Variants in FSIP2 observed in about 807,000 individuals in gnomAD.
The protein encoded by FSIP2 is fibrous sheath-interacting protein 2.
FSIP2 carries 367 observed loss-of-function variants against 510.5 expected under a neutral mutation model. The ratio of observed to expected loss-of-function variants is 0.72; its 90% CI spans 0.66 to 0.78. The LOEUF (loss-of-function observed/expected upper bound fraction) is 0.78. FSIP2 is among the 30% of genes least tolerant of loss of function. The pLI is 0.00. For missense variants in FSIP2, 7,594 were observed against 7,901.7 expected (o/e 0.96, Z 1.48); for synonymous variants, 2,601 against 2,732.2 (o/e 0.95, Z 1.50).
Position 185,789,428 on chromosome 2 carries a change from G to C in FSIP2, c.2292G>C (p.Glu764Asp). The C allele has an allele frequency of 6.5e-7, 1 of 1,534,864 alleles. No homozygotes were observed. Among genetic ancestry groups the C allele is most frequent in the Non-Finnish European group, 8.7e-7 (1 of 1,145,926 alleles). ...CTGAGATTGTGGAAAATATGCTTGA[G>C]AAGTTAGAGTCTGCAGTTGAGAAAA... is the stretch of plus-strand genomic sequence containing the variant. ...VASEIVENMLEKLESAVEKKC... is the reference protein window; with the variant it reads ...VASEIVENMLDKLESAVEKKC... The change falls in exon 16 of 23, where the codon GAG becomes GAC. Residue 764 changes from glutamate (E) to aspartate (D), a missense_variant. Glu to Asp is a conservative substitution (Grantham distance 45, BLOSUM62 2). Transcript: ENST00000424728.
Position 185,793,184 on chromosome 2 carries a change from G to C in FSIP2, c.6048G>C (p.Gln2016His). ...GAAGAAATTTACAAGGAATCAAACA[G>C]GAATTAGATAAAGAAAGGGAAAATC... ...VARRNLQGIKQELDKERENPF... is the reference protein window; with the variant it reads ...VARRNLQGIKHELDKERENPF... The change falls in exon 16 of 23, where the codon CAG (glutamine) becomes CAC (histidine). Residue 2016 changes from glutamine (Q) to histidine (H), a missense_variant. By Grantham distance (24) the Gln-to-His change is conservative. Transcript: ENST00000424728. 6.5e-7 allele frequency: 1 copy of C among 1,533,786 alleles called. No individual in the cohort carries two copies. Among genetic ancestry groups the C allele is most frequent in the African/African-American group, 1.4e-5 (1 of 72,902 alleles).
At chr2:185,816,626 C>T (rs1693830440) in intron 19 of FSIP2, among the ~76,000 whole-genome samples, 1 of 151,564 alleles carries the variant, frequency 6.6e-6, no homozygotes, top group Non-Finnish European at 1.5e-5. Context: ...TTGCTTGAGG[C>T]CAGGAGTTTG....
intron 13 of FSIP2, among the ~76,000 whole-genome samples, chr2:185,768,454 G>A (rs1278915090): frequency 6.6e-6 from 1 of 151,704 alleles, no homozygotes; most frequent in African/African-American, 2.4e-5. Context: ...GTGAGGTAAG[G>A]GTCCAATTTA....
chr2:185,808,665 A>C lies in FSIP2; in HGVS notation c.19359A>C (p.Lys6453Asn), dbSNP rs1374424350. The C allele has an allele frequency of 6.2e-7, 1 of 1,606,226 alleles. No individual in the cohort carries two copies. Among genetic ancestry groups the C allele is most frequent in the Admixed American group, 1.7e-5 (1 of 58,716 alleles). ...IKDTNTAFPKKVASLIIDGVS... is the reference protein window; with the variant it reads ...IKDTNTAFPKNVASLIIDGVS... ...ATACAAATACAGCCTTTCCTAAAAA[A>C]GTGGCTAGTTTAATTATTGATGGAG... The change falls in exon 17 of 23, where the codon AAA (lysine) becomes AAC (asparagine). Residue 6453 changes from lysine (K) to asparagine (N), a missense_variant. Coordinates refer to ENST00000424728, the MANE Select transcript of FSIP2 (RefSeq NM_173651.4).
intron 13 of FSIP2, among the ~76,000 whole-genome samples, chr2:185,774,173 G>C (rs1481953463): frequency 1.3e-5 from 2 of 152,022 alleles, no homozygotes; most frequent in East Asian, 3.9e-4. Flanking sequence ...TCATTTGCCT[G>C]GGTATCACAC....
chr2:185,780,332 T>C (rs1487273423), intron 13 of FSIP2, among the ~76,000 whole-genome samples: 5 of 152,002 alleles, frequency 3.3e-5, no homozygotes, highest in Admixed American at 2.6e-4. Flanking sequence ...TTAACAACTT[T>C]ATTTTCCATT....
In FSIP2 at chr2:185,803,677, C is replaced by T. The variant is rs1301597176; in HGVS notation, c.14371C>T (p.His4791Tyr). 1.3e-6 allele frequency: 2 copies of T among 1,531,646 alleles called. No individual in the cohort carries two copies. Among genetic ancestry groups the T allele is most frequent in the Admixed American group, 2.0e-5 (1 of 50,726 alleles). The allele number at this position is 1,531,646 out of a possible 1,614,324, so 94.9% of individuals were successfully genotyped here. Residue 4791 changes from histidine (H) to tyrosine (Y), a missense_variant, in exon 17 of 23, where the codon CAT becomes TAT. Coordinates refer to ENST00000424728, the MANE Select transcript of FSIP2 (RefSeq NM_173651.4). ...ASTMYTTMLS[H>Y]SHLEKIVTQL... Reference sequence around the variant, plus strand: ...AACAATGTATACCACTATGTTATCACATAGTCATTTGGAAAAAATAGTTAC... The same window carrying T: ...AACAATGTATACCACTATGTTATCATATAGTCATTTGGAAAAAATAGTTAC...
chr2:185,818,299 T>TG (rs1693859188), intron 19 of FSIP2, among the ~76,000 whole-genome samples: 1 of 151,536 alleles, frequency 6.6e-6, no homozygotes, highest in Non-Finnish European at 1.5e-5. Flanking sequence ...GAAAAAAGAT[T>TG]GAAAAAAAAG....
At chr2:185,777,399 T>G (rs1276519124) in intron 13 of FSIP2, among the ~76,000 whole-genome samples, 12 of 151,042 alleles carry the variant, frequency 7.9e-5, no homozygotes, top group East Asian at 1.9e-4. Context: ...TGTAGTTTTT[T>G]TTTTTTTTTT....
intron 7 of FSIP2, among the ~76,000 whole-genome samples, chr2:185,751,400 T>C (rs1227060446): frequency 1.3e-5 from 2 of 151,164 alleles, no homozygotes; most frequent in African/African-American, 4.8e-5. Flanking sequence ...TGATTACTGT[T>C]AGCACGGCAT....
At chr2:185,799,542 T>G (rs888687847) in intron 16 of FSIP2, among the ~76,000 whole-genome samples, 155 bp from the exon 17 acceptor site, 9 of 151,806 alleles carry the variant, frequency 5.9e-5, no homozygotes, top group Admixed American at 1.3e-4. Flanking sequence ...AGAAAATAAA[T>G]GTTTGAGGAA....
intron 13 of FSIP2, among the ~76,000 whole-genome samples, chr2:185,774,650 A>G (rs973102156): frequency 7.5e-5 from 11 of 147,526 alleles, no homozygotes; most frequent in Non-Finnish European, 1.6e-4. Flanking sequence ...TTACATACGT[A>G]TACATGTGCC....
chr2:185,771,419 T>C (rs62199141), intron 13 of FSIP2, among the ~76,000 whole-genome samples: 1 of 152,228 alleles, frequency 6.6e-6, no homozygotes, highest in African/African-American at 2.4e-5. Flanking sequence ...CCTTCACTTT[T>C]GCATTTTGTA....
chr2:185,767,295 G>T (rs2105568592), intron 13 of FSIP2, among the ~76,000 whole-genome samples: 1 of 148,980 alleles, frequency 6.7e-6, no homozygotes, highest in Non-Finnish European at 1.5e-5. Context: ...ATGTGCACAT[G>T]TACCCTAAAA....
chr2:185,753,629 C>T, intron 7 of FSIP2, 93 bp from the exon 8 acceptor site: 2 of 610,240 alleles, frequency 3.3e-6, no homozygotes, highest in Non-Finnish European at 5.3e-6. Flanking sequence ...ACTGATTATC[C>T]ATTTTCAAAA....
Position 185,807,485 on chromosome 2 carries a change from C to T in FSIP2, c.18179C>T (p.Ser6060Phe), listed in dbSNP as rs750047999. The change falls in exon 17 of 23, where the codon TCC (serine) becomes TTC (phenylalanine). Residue 6060 changes from serine to phenylalanine, a missense_variant. Ser to Phe is a radical substitution (Grantham distance 155, BLOSUM62 -2). Coordinates refer to ENST00000424728, the MANE Select transcript of FSIP2 (RefSeq NM_173651.4). ...KLVSAVATEI[S>F]QDKYMTIQYV... ...GTAAGTGCAGTTGCAACAGAGATCT[C>T]CCAAGATAAATATATGACTATACAG... 4 of 1,612,124 alleles carry T rather than the reference C, an allele frequency of 2.5e-6. No homozygotes were observed. Among genetic ancestry groups the T allele is most frequent in the Non-Finnish European group, 1.7e-6 (2 of 1,179,014 alleles).
chr2:185,814,367 A>G lies in FSIP2; in HGVS notation c.20325+325A>G, dbSNP rs545306364. Among the ~76,000 whole-genome samples the G allele has an allele frequency of 2.0e-5, 3 of 152,160 alleles. No individual in the cohort carries two copies. The East Asian group carries it at 5.9e-4, about 30-fold the overall frequency. On this transcript the variant is annotated intron_variant, in intron 18 of 22. Transcript: ENST00000424728. ...TTTGGCTGGTAAACACTCATTGAACATTTTGTGTGGAGAGCCTAATGCTAC... is the reference window on the plus strand; with the variant it reads ...TTTGGCTGGTAAACACTCATTGAACGTTTTGTGTGGAGAGCCTAATGCTAC...
intron 19 of FSIP2, among the ~76,000 whole-genome samples, chr2:185,820,093 C>A (rs1025375630): frequency 1.3e-5 from 2 of 152,040 alleles, no homozygotes; most frequent in African/African-American, 4.8e-5. Context: ...CAAATCTCAT[C>A]TTCAATTGTT....
intron 13 of FSIP2, among the ~76,000 whole-genome samples, chr2:185,782,405 A>T (rs1013014834): frequency 1.3e-5 from 2 of 152,180 alleles, no homozygotes; most frequent in African/African-American, 4.8e-5. Flanking sequence ...AAATTGCAAA[A>T]CCACAGTCCA....
Sources: gnomAD v4.1 joint callset for allele counts (sites outside exome capture counted in the v4.1 genomes callset) on GRCh38, gnomAD v4.1.1 for gene constraint, MANE v1.5 for transcripts, NCBI Gene and HGNC (gene_info 2026-07-23, HGNC 2026-07-21) for gene names.